The following THRB variants were observed in gnomAD, a reference collection of about 807,000 sequenced individuals.
THRB encodes nuclear receptor subfamily 1 group A member 2.
In THRB, 12 loss-of-function variants were observed where a neutral mutation model predicts 47.8. That is an observed-to-expected ratio of 0.25 (90% CI 0.16 to 0.41). THRB has a LOEUF of 0.41. THRB is among the 10% of genes least tolerant of loss of function. The probability of loss-of-function intolerance (pLI) is 1.00; values close to 1 mark genes in which losing one functional copy is unlikely to be tolerated. For synonymous variants in THRB, 218 were observed against 212.2 expected, an observed-to-expected ratio of 1.03 and a Z score of -0.24; for missense variants, 348 against 589.2, an observed-to-expected ratio of 0.59 and a Z score of 4.24.
chr3:24,372,443 G>A (rs928581103), intron 1 of THRB, among the ~76,000 whole-genome samples: 22 of 152,028 alleles, frequency 1.4e-4, no homozygotes, highest in African/African-American at 5.1e-4. Flanking sequence ...GATGCCTTAC[G>A]TGTATAAGCA....
At chr3:24,190,880 AAAAG>A (rs2043247181) in intron 4 of THRB, among the ~76,000 whole-genome samples, 1 of 126,110 alleles carries the variant, frequency 7.9e-6, no homozygotes, top group South Asian at 2.7e-4. Context: ...ATGGCCTACA[AAAAG>A]AAAAAAAAAA....
At chr3:24,310,086 GTCA>G (rs58929610) in intron 2 of THRB, among the ~76,000 whole-genome samples, 12,647 of 152,162 alleles carry the variant, frequency 0.083, 525 homozygotes, top group African/African-American at 0.11. Flanking sequence ...GAAGCTCCAT[GTCA>G]CAATTCAATT....
At chr3:24,277,978 C>A (rs1005824249) in intron 3 of THRB, among the ~76,000 whole-genome samples, 1 of 152,108 alleles carries the variant, frequency 6.6e-6, no homozygotes, top group African/African-American at 2.4e-5. Context: ...CATGCATGGA[C>A]AGTTTCATTA....
chr3:24,393,390 T>C (rs2066725330), intron 1 of THRB, among the ~76,000 whole-genome samples: 1 of 152,114 alleles, frequency 6.6e-6, no homozygotes, highest in Admixed American at 6.6e-5. Context: ...TCCAGTCACA[T>C]AAATACTCCT....
intron 9 of THRB, among the ~76,000 whole-genome samples, chr3:24,131,687 T>TC (rs1368468797): frequency 6.6e-6 from 1 of 152,106 alleles, no homozygotes; most frequent in Admixed American, 6.5e-5. Context: ...CCCAAAGATC[T>TC]CCCTTGTCCT....
intron 8 of THRB, among the ~76,000 whole-genome samples, chr3:24,137,473 G>C (rs1002288752): frequency 1.3e-5 from 2 of 152,188 alleles, no homozygotes; most frequent in Admixed American, 1.3e-4. Context: ...AGGAAGGTCA[G>C]CCAAGGCCCC....
At chr3:24,164,514 C>A (rs1191643340) in intron 5 of THRB, among the ~76,000 whole-genome samples, 1 of 152,100 alleles carries the variant, frequency 6.6e-6, no homozygotes, top group Non-Finnish European at 1.5e-5. Flanking sequence ...TTAAAATGAA[C>A]ATTTACAGAT....
intron 3 of THRB, among the ~76,000 whole-genome samples, chr3:24,258,098 C>T (rs1165957374): frequency 6.6e-6 from 1 of 152,130 alleles, no homozygotes; most frequent in Admixed American, 6.5e-5. Flanking sequence ...TGACTTTGAA[C>T]AGAGAAGAGA....
intron 3 of THRB, among the ~76,000 whole-genome samples, chr3:24,265,344 A>C (rs1283766603): frequency 6.6e-6 from 1 of 152,238 alleles, no homozygotes; most frequent in Admixed American, 6.5e-5. Flanking sequence ...AAGACATTAA[A>C]AGTGGTATTT....
Position 24,118,691 on chromosome 3 carries a change from G to A in THRB, c.*4193C>T, listed in dbSNP as rs1014819036. On this transcript the variant is annotated 3_prime_UTR_variant, in exon 11 of 11. Transcript: ENST00000646209. The stretch of plus-strand genomic sequence containing the variant: ...TCTGTATCAACAATACATATGTAAA[G>A]TGTCTCCTTTTGTCTTACATTGTGC... The A allele has an allele frequency of 2.6e-5, 4 of 152,610 alleles. No homozygotes were observed. The highest frequency in any genetic ancestry group is 9.7e-5 in the African/African-American group (4 of 41,430). 9.5% of individuals were successfully genotyped at this position (152,610 alleles called of 1,614,324 possible).
At chr3:24,275,254 A>C (rs1010897190) in intron 3 of THRB, among the ~76,000 whole-genome samples, 2 of 147,916 alleles carry the variant, frequency 1.4e-5, no homozygotes, top group Non-Finnish European at 1.5e-5. Context: ...AAATTAAATA[A>C]AAGTTTTAAA....
chr3:24,323,779 G>C (rs896047509), intron 2 of THRB, among the ~76,000 whole-genome samples: 1 of 152,172 alleles, frequency 6.6e-6, no homozygotes, highest in African/African-American at 2.4e-5. Flanking sequence ...AATTAAGTAT[G>C]GGAGTCAATC....
intron 5 of THRB, among the ~76,000 whole-genome samples, chr3:24,167,985 T>C (rs1476728620): frequency 1.3e-5 from 2 of 152,184 alleles, no homozygotes. Context: ...ACAGTATTTT[T>C]ATTGAATTTA....
At chr3:24,137,578 C>G (rs1179869023) in intron 8 of THRB, among the ~76,000 whole-genome samples, 1 of 152,072 alleles carries the variant, frequency 6.6e-6, no homozygotes, top group Non-Finnish European at 1.5e-5. Flanking sequence ...GAGAGGAAAG[C>G]CAGTGCAAAG....
At chr3:24,274,651 C>T (rs889062970) in intron 3 of THRB, among the ~76,000 whole-genome samples, 4 of 151,974 alleles carry the variant, frequency 2.6e-5, no homozygotes, top group Admixed American at 6.6e-5. Flanking sequence ...TTATATATGA[C>T]ATACAAAGCA....
chr3:24,290,287 C>CTTGT (rs1430328861), intron 3 of THRB, among the ~76,000 whole-genome samples: 2 of 152,206 alleles, frequency 1.3e-5, no homozygotes, highest in Non-Finnish European at 2.9e-5. Context: ...AAATGCAAGG[C>CTTGT]CTGTCTCTCT....
At chr3:24,332,012 G>A (rs2061960037) in intron 2 of THRB, among the ~76,000 whole-genome samples, 1 of 152,150 alleles carries the variant, frequency 6.6e-6, no homozygotes. Context: ...TCTCCGCAAT[G>A]TTCCCTCACA....
intron 1 of THRB, among the ~76,000 whole-genome samples, chr3:24,491,786 G>C (rs527894346): frequency 2.0e-5 from 3 of 152,276 alleles, no homozygotes; most frequent in Admixed American, 2.0e-4. Context: ...TCTTAGCACT[G>C]GCAATGCTTC....
intron 5 of THRB, among the ~76,000 whole-genome samples, chr3:24,171,052 C>T (rs1202540934): frequency 6.6e-6 from 1 of 152,110 alleles, no homozygotes; most frequent in Non-Finnish European, 1.5e-5. Context: ...TAACCATCAT[C>T]AGTGCCAATC....
Sources: gnomAD v4.1 joint callset for allele counts (sites outside exome capture counted in the v4.1 genomes callset) on GRCh38, gnomAD v4.1.1 for gene constraint, MANE v1.5 for transcripts, NCBI Gene and HGNC (gene_info 2026-07-23, HGNC 2026-07-21) for gene names.